Variants in DCAF5 observed in about 807,000 individuals in gnomAD.
DCAF5 encodes DDB1- and CUL4-associated factor 5.
Under a neutral mutation model 80.7 loss-of-function variants are expected in DCAF5, and 9 were observed. The ratio of observed to expected loss-of-function variants is 0.11; its 90% CI spans 0.07 to 0.19. The LOEUF is 0.19. DCAF5 is among the 10% of genes least tolerant of loss of function. The probability of loss-of-function intolerance (pLI) is 1.00; values close to 1 mark genes in which losing one functional copy is unlikely to be tolerated. For synonymous variants in DCAF5, 433 were observed against 461.9 expected (o/e 0.94, Z 0.80); for missense variants, 842 against 1,205.7 (o/e 0.70, Z 4.47).
At position 69,153,079 on chromosome 14, in the gene DCAF5, G is replaced by A; in HGVS notation, c.-101C>T. ...CGGCCCTCCCCCCGCGCTGCGATCC[G>A]GATGGTTCTTTAACCAGCCATGGCA... On this transcript the variant is annotated 5_prime_UTR_variant, in exon 1 of 9. Transcript: ENST00000341516. 6 of 969,868 alleles carry A rather than the reference G, an allele frequency of 6.2e-6. No homozygotes were observed. The highest frequency in any genetic ancestry group is 4.1e-5 in the South Asian group (2 of 48,810). 60.1% of individuals were successfully genotyped at this position (969,868 alleles called of 1,614,324 possible).
intron 7 of DCAF5, among the ~76,000 whole-genome samples, chr14:69,075,002 C>T (rs1389245912): frequency 6.7e-6 from 1 of 150,198 alleles, no homozygotes; most frequent in African/African-American, 2.5e-5. Flanking sequence ...CCAGTGCACT[C>T]TGGCTTGGGC....
At chr14:69,068,444 A>G (rs1350445816) in intron 7 of DCAF5, among the ~76,000 whole-genome samples, 1 of 152,166 alleles carries the variant, frequency 6.6e-6, no homozygotes, top group Non-Finnish European at 1.5e-5. Context: ...CATGCCTGTA[A>G]TCCCAGCACT....
chr14:69,124,584 T>G (rs1254720554), intron 1 of DCAF5, among the ~76,000 whole-genome samples: 1 of 152,246 alleles, frequency 6.6e-6, no homozygotes, highest in Non-Finnish European at 1.5e-5. Flanking sequence ...GTTCTCTTTA[T>G]GATTGGCCTA....
intron 6 of DCAF5, chr14:69,089,885 A>G: frequency 4.1e-6 from 4 of 972,728 alleles, no homozygotes; most frequent in Non-Finnish European, 4.9e-6. Context: ...CCACACAACA[A>G]AGAACTATCT....
intron 6 of DCAF5, among the ~76,000 whole-genome samples, chr14:69,081,293 G>A (rs2039093612): frequency 6.6e-6 from 1 of 152,136 alleles, no homozygotes; most frequent in Non-Finnish European, 1.5e-5. Context: ...GATCAGCGTG[G>A]AAGATATATT....
intron 5 of DCAF5, among the ~76,000 whole-genome samples, chr14:69,097,591 T>A (rs922315338): frequency 0.028 from 4,048 of 143,756 alleles, 70 homozygotes; most frequent in South Asian, 0.04. Flanking sequence ...TATTTTTTTT[T>A]TTTTTTTTTT....
chr14:69,062,323 T>C (rs1451973394), intron 8 of DCAF5, 61 bp downstream of exon 8: 5 of 1,581,054 alleles, frequency 3.2e-6, no homozygotes, highest in Non-Finnish European at 4.3e-6. Context: ...ATTGTTCTAG[T>C]TTCTTCTAAT....
intron 6 of DCAF5, among the ~76,000 whole-genome samples, chr14:69,076,732 T>G (rs1045267960): frequency 6.6e-6 from 1 of 152,222 alleles, no homozygotes; most frequent in African/African-American, 2.4e-5. Flanking sequence ...TGATTGTACT[T>G]AATGCCACTG....
chr14:69,073,725 C>G (rs1322032120), intron 7 of DCAF5, among the ~76,000 whole-genome samples: 4 of 152,182 alleles, frequency 2.6e-5, no homozygotes, highest in African/African-American at 9.6e-5. Context: ...CTTTCCTATT[C>G]TCTCTATTCA....
At chr14:69,100,098 C>CA (rs543411422) in intron 5 of DCAF5, among the ~76,000 whole-genome samples, 3 of 152,038 alleles carry the variant, frequency 2.0e-5, no homozygotes, top group African/African-American at 7.2e-5. Context: ...CAATTATGCT[C>CA]AAAAATAGAT....
At chr14:69,091,047 G>GTATA (rs762217578) in intron 6 of DCAF5, 11 of 736,152 alleles carry the variant, frequency 1.5e-5, no homozygotes, top group Non-Finnish European at 2.5e-5. Context: ...AGAAGGCCAA[G>GTATA]TATATTCTTA....
At chr14:69,059,782 A>G (rs908544280) in intron 8 of DCAF5, among the ~76,000 whole-genome samples, 3 of 152,180 alleles carry the variant, frequency 2.0e-5, no homozygotes, top group Non-Finnish European at 2.9e-5. Context: ...CCTTCTCACT[A>G]TGATCATCTG....
intron 4 of DCAF5, among the ~76,000 whole-genome samples, chr14:69,116,942 A>C (rs1370903749): frequency 6.6e-6 from 1 of 152,192 alleles, no homozygotes; most frequent in Non-Finnish European, 1.5e-5. Context: ...TAAAAAAAAC[A>C]ATGACAAAAT....
intron 7 of DCAF5, among the ~76,000 whole-genome samples, chr14:69,074,343 A>C (rs1163328995): frequency 1.3e-5 from 2 of 152,180 alleles, no homozygotes; most frequent in Non-Finnish European, 2.9e-5. Context: ...CTCATTGAGC[A>C]CATGAAGACA....
chr14:69,138,496 A>C (rs2041259965), intron 1 of DCAF5, among the ~76,000 whole-genome samples: 2 of 152,216 alleles, frequency 1.3e-5, no homozygotes, highest in African/African-American at 4.8e-5. Context: ...GGGCAATGAA[A>C]CTGCAGATAC....
At chr14:69,074,147 A>ATT (rs2038810913) in intron 7 of DCAF5, among the ~76,000 whole-genome samples, 1 of 152,262 alleles carries the variant, frequency 6.6e-6, no homozygotes, top group Non-Finnish European at 1.5e-5. Context: ...TTAATTCAGC[A>ATT]ACAGCCAAGA....
chr14:69,124,923 A>G (rs1008004859), intron 1 of DCAF5, among the ~76,000 whole-genome samples: 1 of 152,146 alleles, frequency 6.6e-6, no homozygotes, highest in African/African-American at 2.4e-5. Flanking sequence ...GCAAAAAGTT[A>G]AAAGAGAGGC....
At chr14:69,106,492 T>C (rs2040165558) in intron 5 of DCAF5, among the ~76,000 whole-genome samples, 1 of 152,018 alleles carries the variant, frequency 6.6e-6, no homozygotes. Flanking sequence ...CCTCAGCCTC[T>C]CCAGTATCTA....
At position 69,096,282 on chromosome 14, in the gene DCAF5, T is replaced by C. The variant is rs147274707; in HGVS notation, c.666-4395A>G. On this transcript the variant is annotated intron_variant, in intron 5 of 8. Coordinates refer to ENST00000341516, the MANE Select transcript of DCAF5 (RefSeq NM_003861.3). Reference sequence around the variant, plus strand: ...ACTCCTCAGTCCCAAGACTGAAACCTCCAGAGGGAACCAGAACTGTCGGAC... The same window carrying C: ...ACTCCTCAGTCCCAAGACTGAAACCCCCAGAGGGAACCAGAACTGTCGGAC... Among the ~76,000 whole-genome samples the C allele has an allele frequency of 2.2e-3, 332 of 152,270 alleles. 3 individuals are homozygous for C. Among genetic ancestry groups the C allele is most frequent in the African/African-American group, 7.5e-3 (310 of 41,540 alleles).
Sources: allele counts gnomAD v4.1 joint callset (sites outside exome capture counted in the v4.1 genomes callset), GRCh38; gene constraint gnomAD v4.1.1; transcripts MANE v1.5; gene names NCBI Gene and HGNC (gene_info 2026-07-23, HGNC 2026-07-21).